Variants in CAMKMT observed in about 807,000 individuals in gnomAD.
CAMKMT encodes calmodulin-lysine N-methyltransferase.
Under a neutral mutation model 48.0 loss-of-function variants are expected in CAMKMT, and 53 were observed. The ratio of observed to expected loss-of-function variants is 1.10; its 90% CI spans 0.89 to 1.39. The LOEUF (loss-of-function observed/expected upper bound fraction) is 1.39. Among genes scored for constraint, CAMKMT ranks in the 40% most tolerant of loss-of-function variants. The probability of loss-of-function intolerance (pLI) is 0.00; values close to 1 mark genes in which losing one functional copy is unlikely to be tolerated. For synonymous variants in CAMKMT, 165 were observed against 152.3 expected (o/e 1.08, Z -0.61); for missense variants, 428 against 402.7 (o/e 1.06, Z -0.54).
intron 3 of CAMKMT, among the ~76,000 whole-genome samples, chr2:44,607,794 A>G (rs1240109509): frequency 6.6e-6 from 1 of 152,132 alleles, no homozygotes; most frequent in African/African-American, 2.4e-5. Flanking sequence ...CTTTTTTCCA[A>G]GTTATAGTGT....
chr2:44,595,193 C>T (rs546417132), intron 3 of CAMKMT, among the ~76,000 whole-genome samples: 3 of 152,260 alleles, frequency 2.0e-5, no homozygotes, highest in African/African-American at 4.8e-5. Context: ...AACACTTTTA[C>T]ACTGTTGGTG....
At chr2:44,575,824 A>C (rs1036781754) in intron 3 of CAMKMT, among the ~76,000 whole-genome samples, 1 of 147,356 alleles carries the variant, frequency 6.8e-6, no homozygotes, top group African/African-American at 2.5e-5. Context: ...GCACCACTAC[A>C]CTCCAGTCTC....
At chr2:44,453,746 A>C (rs1667417351) in intron 3 of CAMKMT, among the ~76,000 whole-genome samples, 3 of 152,240 alleles carry the variant, frequency 2.0e-5, no homozygotes, top group Non-Finnish European at 1.5e-5. Flanking sequence ...TTTAATGAAT[A>C]CTTTAATGAA....
chr2:44,495,916 A>G (rs542359331), intron 3 of CAMKMT, among the ~76,000 whole-genome samples: 1 of 152,344 alleles, frequency 6.6e-6, no homozygotes, highest in South Asian at 2.1e-4. Flanking sequence ...TCTTCCACGT[A>G]TAATCACATG....
chr2:44,659,648 T>A (rs1031279050), intron 3 of CAMKMT, among the ~76,000 whole-genome samples: 2 of 152,132 alleles, frequency 1.3e-5, no homozygotes, highest in African/African-American at 4.8e-5. Flanking sequence ...CTCTTTATGG[T>A]ACTTTATAGT....
chr2:44,420,634 T>C (rs1451067539), intron 3 of CAMKMT, among the ~76,000 whole-genome samples: 1 of 152,004 alleles, frequency 6.6e-6, no homozygotes. Flanking sequence ...GTATAAAACC[T>C]GGGAGCAGTG....
At chr2:44,526,990 A>G (rs1666148730) in intron 3 of CAMKMT, among the ~76,000 whole-genome samples, 1 of 151,776 alleles carries the variant, frequency 6.6e-6, no homozygotes, top group Non-Finnish European at 1.5e-5. Context: ...TTTACAACCA[A>G]TTATAGAGCA....
chr2:44,715,192 CAAAAAAAAAA>C, intron 6 of CAMKMT, 85 bp from the exon 7 acceptor site: 1 of 424,126 alleles, frequency 2.4e-6, no homozygotes, highest in Non-Finnish European at 3.8e-6. Context: ...GACCCTGTCT[CAAAAAAAAAA>C]AAAAAAAAAA....
At chr2:44,643,263 G>T (rs907694294) in intron 3 of CAMKMT, among the ~76,000 whole-genome samples, 4 of 152,212 alleles carry the variant, frequency 2.6e-5, no homozygotes, top group Non-Finnish European at 5.9e-5. Context: ...CAGGAGCACT[G>T]TGTAAGGCAT....
At chr2:44,378,860 C>G (rs2104380230) in intron 2 of CAMKMT, among the ~76,000 whole-genome samples, 1 of 152,296 alleles carries the variant, frequency 6.6e-6, no homozygotes, top group Admixed American at 6.5e-5. Context: ...TTAGGACCCA[C>G]TCCACTCTCT....
At chr2:44,390,809 A>G (rs1465918735) in intron 3 of CAMKMT, among the ~76,000 whole-genome samples, 3 of 152,196 alleles carry the variant, frequency 2.0e-5, no homozygotes, top group African/African-American at 7.2e-5. Flanking sequence ...TTACAATATT[A>G]CAGAATATAT....
chr2:44,403,453 T>G (rs1682567726), intron 3 of CAMKMT, among the ~76,000 whole-genome samples: 1 of 152,160 alleles, frequency 6.6e-6, no homozygotes. Context: ...AAGATCTAAT[T>G]GTTTTGTAAG....
Position 44,385,196 on chromosome 2 carries a change from C to T in CAMKMT, c.312-5045C>T, listed in dbSNP as rs150960558. Among the ~76,000 whole-genome samples, 1,173 of 151,760 alleles carry T rather than the reference C, an allele frequency of 7.7e-3. 8 individuals are homozygous for T. The highest frequency in any genetic ancestry group is 0.022 in the South Asian group (108 of 4,802). ...AGTTTTCCTTGTAGAGGTCTTTTGA[C>T]GTCTTGGTTAGGTATATTCCTAAGT... On this transcript the variant is annotated intron_variant, in intron 2 of 10. Transcript: ENST00000378494.
intron 3 of CAMKMT, among the ~76,000 whole-genome samples, chr2:44,527,773 C>T (rs116824255): frequency 0.022 from 2,897 of 133,014 alleles, 134 homozygotes; most frequent in African/African-American, 0.076. Context: ...CCCCTCCTCC[C>T]ACATGTGTAC....
rs1422295982 is a variant in CAMKMT, at chr2:44,435,114, C to G, written c.376+44809C>G. Reference sequence around the variant, plus strand: ...CATTGGTTTATTATTTTGCATTTCACTGCTATTTACTAACAGATTTCAAGA... The same window carrying G: ...CATTGGTTTATTATTTTGCATTTCAGTGCTATTTACTAACAGATTTCAAGA... On this transcript the variant is annotated intron_variant, in intron 3 of 10. Coordinates refer to ENST00000378494, the MANE Select transcript of CAMKMT (RefSeq NM_024766.5). 2.0e-5 allele frequency among the ~76,000 whole-genome samples: 3 copies of G among 152,254 alleles called. 1 individual carries two copies. Among genetic ancestry groups the G allele is most frequent in the South Asian group, 4.1e-4 (2 of 4,822 alleles).
intron 3 of CAMKMT, among the ~76,000 whole-genome samples, chr2:44,659,075 GTTTTTTT>G (rs1192483405): frequency 0.041 from 3,523 of 86,428 alleles, 147 homozygotes; most frequent in African/African-American, 0.15. Context: ...TGTGTGTGTA[GTTTTTTT>G]TTTTTTTTTT....
chr2:44,562,547 C>A (rs1312632983), intron 3 of CAMKMT, among the ~76,000 whole-genome samples: 1 of 152,064 alleles, frequency 6.6e-6, no homozygotes, highest in African/African-American at 2.4e-5. Flanking sequence ...AGCTAGTAAG[C>A]CGTGACTTCA....
chr2:44,378,079 T>A (rs1008760006), intron 2 of CAMKMT, among the ~76,000 whole-genome samples: 21 of 152,222 alleles, frequency 1.4e-4, no homozygotes, highest in Admixed American at 1.3e-3. Flanking sequence ...TTATTGTTAG[T>A]AGTGATATTA....
At chr2:44,634,052 A>C (rs1416321239) in intron 3 of CAMKMT, among the ~76,000 whole-genome samples, 1 of 152,156 alleles carries the variant, frequency 6.6e-6, no homozygotes, top group African/African-American at 2.4e-5. Context: ...TCTGTTATTT[A>C]ATAATATCTC....
Sources: allele counts gnomAD v4.1 joint callset (sites outside exome capture counted in the v4.1 genomes callset), GRCh38; gene constraint gnomAD v4.1.1; transcripts MANE v1.5; gene names NCBI Gene and HGNC (gene_info 2026-07-23, HGNC 2026-07-21).